The following UQCRH variants were observed in gnomAD, a reference collection of about 807,000 sequenced individuals.
UQCRH encodes cytochrome b-c1 complex subunit 6, mitochondrial.
Under a neutral mutation model 16.3 loss-of-function variants are expected in UQCRH, and 14 were observed. The observed-to-expected ratio is 0.86, with a 90% CI of 0.57 to 1.34. The LOEUF (loss-of-function observed/expected upper bound fraction) is 1.34, where lower values mean the gene tolerates loss of function less well. Among genes scored for constraint, UQCRH ranks in the 40% most tolerant of loss-of-function variants. UQCRH has a pLI of 0.00. For synonymous variants in UQCRH, 41 were observed against 41.9 expected, an observed-to-expected ratio of 0.98 and a Z score of 0.08; for missense variants, 89 against 111.9, an observed-to-expected ratio of 0.80 and a Z score of 0.92.
intron 1 of UQCRH, 98 bp downstream of exon 1, chr1:46,303,918 C>T (rs1389072175): frequency 7.8e-6 from 12 of 1,535,918 alleles, no homozygotes; most frequent in Non-Finnish European, 9.8e-6. Context: ...CCCAGTTTAC[C>T]CTCTAGGGTT....
chr1:46,303,953 C>T, intron 1 of UQCRH, 133 bp downstream of exon 1: 2 of 1,138,476 alleles, frequency 1.8e-6, no homozygotes, highest in South Asian at 1.5e-5. Context: ...CTCTAGTTCC[C>T]TCGACCTTTC....
chr1:46,309,822 CTG>C, intron 2 of UQCRH: 7 of 1,244,700 alleles, frequency 5.6e-6, no homozygotes, highest in Non-Finnish European at 7.1e-6. Flanking sequence ...TTCCAAAATG[CTG>C]TGTTAACAAG....
intron 3 of UQCRH, among the ~76,000 whole-genome samples, chr1:46,310,624 C>T (rs1661451946): frequency 1.3e-5 from 2 of 152,118 alleles, no homozygotes; most frequent in African/African-American, 2.4e-5. Context: ...CCATGAGAGG[C>T]TAATTTTTTA....
intron 1 of UQCRH, among the ~76,000 whole-genome samples, chr1:46,307,244 C>G (rs932416317): frequency 1.4e-4 from 21 of 152,144 alleles, no homozygotes; most frequent in Admixed American, 9.8e-4. Flanking sequence ...GGGGTTTCAC[C>G]ATGGTGGCCG....
intron 1 of UQCRH, among the ~76,000 whole-genome samples, chr1:46,308,617 G>C (rs564239204): frequency 1.3e-5 from 2 of 152,226 alleles, no homozygotes; most frequent in South Asian, 4.2e-4. Flanking sequence ...TAGGAGGATT[G>C]ATTGAGCCCA....
At chr1:46,305,469 GGGA>G (rs1661354538) in intron 1 of UQCRH, among the ~76,000 whole-genome samples, 1 of 14,034 alleles carries the variant, frequency 7.1e-5, no homozygotes, top group Non-Finnish European at 2.4e-4. Flanking sequence ...CCAGCACTTT[GGGA>G]GGCCGAGGCG....
At chr1:46,310,338 A>G (rs746293977) in intron 3 of UQCRH, 22 bp downstream of exon 3, 8 of 1,613,932 alleles carry the variant, frequency 5.0e-6, no homozygotes, top group Non-Finnish European at 6.8e-6. Context: ...GGAAGTCAGG[A>G]AGGGGAAAGG....
At chr1:46,307,395 C>T (rs923457510) in intron 1 of UQCRH, among the ~76,000 whole-genome samples, 1 of 152,082 alleles carries the variant, frequency 6.6e-6, no homozygotes, top group Non-Finnish European at 1.5e-5. Flanking sequence ...CCAGGCTGGT[C>T]TCAAGCAGTC....
At chr1:46,312,961 T>C (rs571136206) in intron 3 of UQCRH, among the ~76,000 whole-genome samples, 1 of 152,028 alleles carries the variant, frequency 6.6e-6, no homozygotes, top group Non-Finnish European at 1.5e-5. Flanking sequence ...TTGACGACAA[T>C]GTGGAAAAGT....
In UQCRH at chr1:46,310,170, G is replaced by C. The variant is rs139334642; in HGVS notation, c.97G>C (p.Val33Leu). The C allele has an allele frequency of 5.6e-6, 9 of 1,614,112 alleles. No individual in the cohort carries two copies. The highest frequency in any genetic ancestry group is 7.6e-6 in the Non-Finnish European group (9 of 1,180,048). ...EEELVDPLTT[V>L]REQCEQLEKC... Reference sequence around the variant, plus strand: ...TCTACATCAGGATCCCCTAACAACAGTGAGAGAGCAATGCGAGCAGTTGGA... The same window carrying C: ...TCTACATCAGGATCCCCTAACAACACTGAGAGAGCAATGCGAGCAGTTGGA... The change falls in exon 3 of 4, where the codon GTG becomes CTG. Residue 33 changes from valine (V) to leucine (L), a missense_variant. By Grantham distance (32) the Val-to-Leu change is conservative. Coordinates refer to ENST00000311672, the MANE Select transcript of UQCRH (RefSeq NM_006004.4).
intron 3 of UQCRH, among the ~76,000 whole-genome samples, chr1:46,312,741 G>C (rs1661503534): frequency 6.6e-6 from 1 of 151,760 alleles, no homozygotes; most frequent in East Asian, 1.9e-4. Context: ...ATAAACTTCT[G>C]CTTGACTCTT....
At chr1:46,311,338 CGG>C (rs1661470111) in intron 3 of UQCRH, among the ~76,000 whole-genome samples, 3 of 149,128 alleles carry the variant, frequency 2.0e-5, no homozygotes, top group African/African-American at 7.4e-5. Context: ...GAGGCGGAGG[CGG>C]AGGCGGAGGC....
At chr1:46,311,089 A>T (rs1176338214) in intron 3 of UQCRH, among the ~76,000 whole-genome samples, 10 of 136,288 alleles carry the variant, frequency 7.3e-5, no homozygotes, top group African/African-American at 1.1e-4. Context: ...AAAAAAAAAA[A>T]TAATAATAAT....
chr1:46,305,313 A>C lies in UQCRH; in HGVS notation c.54+1493A>C, dbSNP rs1400123570. Reference sequence around the variant, plus strand: ...GACCCTGTCTCAAAAAAAAAAAAAAAAAAAAAAACTAAAGAAAGAAATGGA... The same window carrying C: ...GACCCTGTCTCAAAAAAAAAAAAAACAAAAAAAACTAAAGAAAGAAATGGA... On this transcript the variant is annotated intron_variant, in intron 1 of 3. Coordinates refer to ENST00000311672, the MANE Select transcript of UQCRH (RefSeq NM_006004.4). 1.0e-3 allele frequency among the ~76,000 whole-genome samples: 155 copies of C among 151,342 alleles called. 2 individuals are homozygous for C. The South Asian group carries it at 0.016, about 15-fold the overall frequency.
Position 46,316,583 on chromosome 1 carries a change from A to G in UQCRH, c.275A>G (p.Ter92=), listed in dbSNP as rs369770593. The change falls in exon 4 of 4, where the codon TAA becomes TGA. Residue 92 remains the stop codon, a stop_retained_variant. Coordinates refer to ENST00000311672, the MANE Select transcript of UQCRH (RefSeq NM_006004.4). ...CACAAACTCTTTAACAACTTGAAAT[A>G]AATGTGTGGACTTAATTCACCCCAG... ...VAHKLFNNLK[*] is the part of the protein sequence containing the mutation. The G allele has an allele frequency of 6.2e-7, 1 of 1,612,744 alleles. No individual in the cohort carries two copies. Among genetic ancestry groups the G allele is most frequent in the African/African-American group, 1.3e-5 (1 of 74,876 alleles).
chr1:46,314,256 C>G (rs1366196498), intron 3 of UQCRH, among the ~76,000 whole-genome samples: 1 of 151,310 alleles, frequency 6.6e-6, no homozygotes, highest in Non-Finnish European at 1.5e-5. Flanking sequence ...GAACCAGCTA[C>G]TTGGGAGGCT....
In UQCRH at chr1:46,316,569, T is replaced by G; in HGVS notation, c.261T>G (p.Phe87Leu). ...CCATCTAGGTGGCCCACAAACTCTT[T>G]AACAACTTGAAATAAATGTGTGGAC... The part of the protein sequence containing the change: ...ARDHCVAHKL[F>L]NNLK The change falls in exon 4 of 4, where the codon TTT (phenylalanine) becomes TTG (leucine). Residue 87 changes from phenylalanine to leucine, a missense_variant. Physicochemically the swap from Phe to Leu is conservative, Grantham distance 22. Coordinates refer to ENST00000311672, the MANE Select transcript of UQCRH (RefSeq NM_006004.4). 1 of 1,613,358 alleles carries G rather than the reference T, an allele frequency of 6.2e-7. No homozygotes were observed. The highest frequency in any genetic ancestry group is 8.5e-7 in the Non-Finnish European group (1 of 1,179,806).
intron 3 of UQCRH, 23 bp from the exon 4 acceptor site, chr1:46,316,529 C>T (rs775587632): frequency 6.2e-7 from 1 of 1,613,536 alleles, no homozygotes; most frequent in South Asian, 1.1e-5. Context: ...AATTGATTAC[C>T]TCCTTTTCTT....
intron 1 of UQCRH, among the ~76,000 whole-genome samples, chr1:46,308,223 T>A (rs1661409184): frequency 6.6e-6 from 1 of 152,182 alleles, no homozygotes; most frequent in South Asian, 2.1e-4. Context: ...GACAACCGCC[T>A]TTGAAAGAAG....
Sources: gnomAD v4.1 joint callset for allele counts (sites outside exome capture counted in the v4.1 genomes callset) on GRCh38, gnomAD v4.1.1 for gene constraint, MANE v1.5 for transcripts, NCBI Gene and HGNC (gene_info 2026-07-23, HGNC 2026-07-21) for gene names.